The following TCF12 variants were observed in gnomAD, a reference collection of about 807,000 sequenced individuals.
TCF12 encodes the protein transcription factor 12, also known as DNA-binding protein HTF4.
TCF12 carries 45 observed loss-of-function variants against 86.0 expected under a neutral mutation model. The ratio of observed to expected loss-of-function variants is 0.52; its 90% confidence interval spans 0.41 to 0.67. TCF12 has a LOEUF of 0.67. Ranked by LOEUF, TCF12 falls within the 30% of genes least tolerant of loss-of-function variation. The pLI is 0.00. For missense variants in TCF12, 881 were observed against 859.9 expected, an observed-to-expected ratio of 1.02 and a Z score of -0.31; for synonymous variants, 330 against 299.6, an observed-to-expected ratio of 1.10 and a Z score of -1.05.
intron 19 of TCF12, among the ~76,000 whole-genome samples, chr15:57,273,880 A>G (rs1484285576): frequency 6.6e-6 from 1 of 152,144 alleles, no homozygotes; most frequent in African/African-American, 2.4e-5. Flanking sequence ...TTCATTTTTC[A>G]GGAAGTTTGT....
intron 12 of TCF12, among the ~76,000 whole-genome samples, chr15:57,241,178 C>G (rs1479797801): frequency 6.6e-6 from 1 of 151,926 alleles, no homozygotes; most frequent in African/African-American, 2.4e-5. Flanking sequence ...ACTGAAACCT[C>G]CACCTCCCAG....
intron 5 of TCF12, among the ~76,000 whole-genome samples, chr15:57,165,917 G>C (rs192917387): frequency 3.8e-4 from 58 of 152,212 alleles, no homozygotes. Flanking sequence ...TCTAACTAGT[G>C]GGTACATGTA....
At chr15:56,931,481 A>C (rs2060246982) in intron 3 of TCF12, among the ~76,000 whole-genome samples, 1 of 152,178 alleles carries the variant, frequency 6.6e-6, no homozygotes, top group South Asian at 2.1e-4. Flanking sequence ...AGCCCTGACC[A>C]TACTTTTTTG....
intron 3 of TCF12, among the ~76,000 whole-genome samples, chr15:56,948,822 C>T (rs2061132695): frequency 6.6e-6 from 1 of 152,190 alleles, no homozygotes; most frequent in Admixed American, 6.5e-5. Flanking sequence ...TGCTGTATCA[C>T]TAGAGGGAAG....
chr15:57,188,019 C>T (rs1326904755), intron 6 of TCF12, among the ~76,000 whole-genome samples: 1 of 151,874 alleles, frequency 6.6e-6, no homozygotes, highest in South Asian at 2.1e-4. Context: ...TAAAACTATC[C>T]TCATTTGCAG....
At chr15:57,179,221 T>A (rs1373895973) in intron 6 of TCF12, among the ~76,000 whole-genome samples, 1 of 152,180 alleles carries the variant, frequency 6.6e-6, no homozygotes. Context: ...GGCACGGGAC[T>A]CATGCCTGTA....
In TCF12 at chr15:57,273,121, C is replaced by T. The variant is rs1414251456; in HGVS notation, c.1837C>T (p.Arg613Cys). The T allele has an allele frequency of 1.2e-6, 2 of 1,614,194 alleles. No individual in the cohort carries two copies. Among genetic ancestry groups the T allele is most frequent in the Non-Finnish European group, 8.5e-7 (1 of 1,180,034 alleles). ...RMANNARERL[R>C]VRDINEAFKE... ...GGCTAACAATGCCAGAGAACGCTTA[C>T]GCGTGCGGGATATTAATGAAGCATT... Residue 613 changes from arginine to cysteine, a missense_variant, in exon 19 of 21, where the codon CGC (arginine) becomes TGC (cysteine). Transcript: ENST00000333725.
rs1198615877 is a variant in TCF12, at chr15:57,250,753, C to A, written c.1115-597C>A. On this transcript the variant is annotated intron_variant, in intron 13 of 20. Coordinates refer to ENST00000333725, the MANE Select transcript of TCF12 (RefSeq NM_207037.2). Reference sequence around the variant, plus strand: ...CAAAAAAAAAAGAAAAAAAATTAGCCAACGTGGTGGCACACACTTGTGATC... The same window carrying A: ...CAAAAAAAAAAGAAAAAAAATTAGCAAACGTGGTGGCACACACTTGTGATC... 3.3e-5 allele frequency among the ~76,000 whole-genome samples: 5 copies of A among 150,354 alleles called. 1 individual carries two copies. Among genetic ancestry groups the A allele is most frequent in the Non-Finnish European group, 7.4e-5 (5 of 67,604 alleles).
At chr15:57,132,550 A>G (rs1436385568) in intron 5 of TCF12, among the ~76,000 whole-genome samples, 1 of 152,140 alleles carries the variant, frequency 6.6e-6, no homozygotes, top group Non-Finnish European at 1.5e-5. Flanking sequence ...TGATGTTCCT[A>G]ATGGAATCTA....
At chr15:57,079,120 G>A (rs1288121430) in intron 4 of TCF12, among the ~76,000 whole-genome samples, 5 of 152,190 alleles carry the variant, frequency 3.3e-5, no homozygotes, top group Admixed American at 3.3e-4. Flanking sequence ...GAATTGAAGT[G>A]TAATTTTATT....
chr15:57,247,158 A>C, intron 13 of TCF12: 1 of 558,850 alleles, frequency 1.8e-6, no homozygotes, highest in Non-Finnish European at 3.4e-6. Context: ...TCACTCCACC[A>C]CCACCACCAT....
At chr15:57,121,672 A>G (rs1287672998) in intron 5 of TCF12, among the ~76,000 whole-genome samples, 1 of 152,156 alleles carries the variant, frequency 6.6e-6, no homozygotes, top group Middle Eastern at 3.2e-3. Flanking sequence ...GCAGAGAGCA[A>G]CCCATATCAG....
At chr15:56,927,899 A>T (rs151238749) in intron 3 of TCF12, among the ~76,000 whole-genome samples, 499 of 152,304 alleles carry the variant, frequency 3.3e-3, no homozygotes, top group African/African-American at 0.012. Flanking sequence ...AATGGAATGC[A>T]TTATGACATT....
intron 5 of TCF12, among the ~76,000 whole-genome samples, chr15:57,134,675 C>T (rs2052388309): frequency 6.6e-6 from 1 of 152,014 alleles, no homozygotes; most frequent in Non-Finnish European, 1.5e-5. Context: ...ATTATTTTGC[C>T]AGAAATGGCT....
chr15:57,128,038 A>T (rs191347301), intron 5 of TCF12, among the ~76,000 whole-genome samples: 20 of 152,222 alleles, frequency 1.3e-4, no homozygotes, highest in Admixed American at 1.3e-3. Flanking sequence ...TGTTCCTGAG[A>T]TGATCCATGA....
intron 6 of TCF12, among the ~76,000 whole-genome samples, chr15:57,184,384 T>G (rs939394921): frequency 2.0e-5 from 3 of 152,202 alleles, no homozygotes; most frequent in Non-Finnish European, 4.4e-5. Flanking sequence ...CTCTCTTATA[T>G]TCCCATAAGA....
intron 6 of TCF12, among the ~76,000 whole-genome samples, chr15:57,170,769 ATTATATATAAT>A (rs1367229080): frequency 8.0e-5 from 1 of 12,534 alleles, no homozygotes; most frequent in Admixed American, 1.4e-3. Context: ...TTATATATAT[ATTATATATAAT>A]ATATATATAT....
intron 3 of TCF12, among the ~76,000 whole-genome samples, chr15:56,990,546 C>G (rs2063400106): frequency 6.6e-6 from 1 of 151,776 alleles, no homozygotes; most frequent in Admixed American, 6.6e-5. Flanking sequence ...TTTCTTTGCC[C>G]TTCTAATCAG....
At chr15:57,189,690 G>A (rs1169998046) in intron 6 of TCF12, among the ~76,000 whole-genome samples, 4 of 152,092 alleles carry the variant, frequency 2.6e-5, no homozygotes, top group African/African-American at 9.7e-5. Context: ...TCCTCAAAAA[G>A]TTAAACATAG....
Sources: allele counts gnomAD v4.1 joint callset (sites outside exome capture counted in the v4.1 genomes callset), GRCh38; gene constraint gnomAD v4.1.1; transcripts MANE v1.5; gene names NCBI Gene and HGNC (gene_info 2026-07-23, HGNC 2026-07-21).